The following SLA variants were observed in gnomAD, a reference collection of about 807,000 sequenced individuals.
The protein encoded by SLA is src-like-adapter.
In SLA, 16 loss-of-function variants were observed where a neutral mutation model predicts 30.3. That is an observed-to-expected ratio of 0.53 (90% CI 0.36 to 0.80). The LOEUF (loss-of-function observed/expected upper bound fraction) is 0.80. SLA is among the 30% of genes least tolerant of loss of function. The pLI is 0.01. For missense variants in SLA, 310 were observed against 345.2 expected (o/e 0.90, Z 0.81); for synonymous variants, 143 against 137.8 (o/e 1.04, Z -0.26).
chr8:133,056,800 CTT>C (rs1841515250), intron 3 of SLA, among the ~76,000 whole-genome samples: 1 of 152,166 alleles, frequency 6.6e-6, no homozygotes, highest in African/African-American at 2.4e-5. Flanking sequence ...GAGATAAACT[CTT>C]TCTCATCTCT....
intron 2 of SLA, among the ~76,000 whole-genome samples, chr8:133,068,922 A>C (rs1843523274): frequency 6.6e-6 from 1 of 152,272 alleles, no homozygotes; most frequent in Non-Finnish European, 1.5e-5. Flanking sequence ...CAGGCTATAA[A>C]TGGGGTTTGG....
chr8:133,052,176 C>T (rs1406974147), intron 3 of SLA, among the ~76,000 whole-genome samples: 1 of 152,192 alleles, frequency 6.6e-6, no homozygotes, highest in Admixed American at 6.5e-5. Context: ...AGTCATAAGC[C>T]TCTTGGGCAG....
At chr8:133,100,807 C>CT (rs1462651814) in intron 1 of SLA, among the ~76,000 whole-genome samples, 1 of 152,012 alleles carries the variant, frequency 6.6e-6, no homozygotes, top group Non-Finnish European at 1.5e-5. Context: ...TACCCACATT[C>CT]TTTTTTTTCT....
Position 133,059,904 on chromosome 8 carries a change from C to T in SLA, c.61+196G>A, listed in dbSNP as rs531084083. ...CCAAAGATTTGACACCCTTCAGGTG[C>T]GCCGAGCACCCAATTCTTTTCGTCT... On this transcript the variant is annotated intron_variant, in intron 3 of 8. Transcript: ENST00000338087. 3.4e-3 allele frequency among the ~76,000 whole-genome samples: 524 copies of T among 152,334 alleles called. 7 individuals carry two copies. Among genetic ancestry groups the T allele is most frequent in the Non-Finnish European group, 2.5e-3 (173 of 68,024 alleles).
chr8:133,041,373 G>A (rs1449710169), intron 7 of SLA, among the ~76,000 whole-genome samples: 3 of 152,250 alleles, frequency 2.0e-5, no homozygotes, highest in African/African-American at 7.2e-5. Context: ...GGCAAGCCAG[G>A]AAGACCTCGT....
intron 1 of SLA, among the ~76,000 whole-genome samples, chr8:133,092,323 G>A (rs1183105789): frequency 1.3e-5 from 2 of 152,152 alleles, no homozygotes; most frequent in African/African-American, 4.8e-5. Context: ...AAAAAGCAGT[G>A]GTCAGCAATT....
chr8:133,067,305 C>G (rs1046807316), intron 2 of SLA, among the ~76,000 whole-genome samples: 2 of 152,106 alleles, frequency 1.3e-5, no homozygotes, highest in Non-Finnish European at 2.9e-5. Flanking sequence ...CCACCCCACC[C>G]CCATCTGCTT....
intron 1 of SLA, among the ~76,000 whole-genome samples, chr8:133,100,185 G>A (rs1849028271): frequency 6.6e-6 from 1 of 152,160 alleles, no homozygotes; most frequent in South Asian, 2.1e-4. Context: ...GGTACTTGCT[G>A]TTTTTTCTTC....
chr8:133,074,836 A>T lies in SLA; in HGVS notation c.-41+17T>A. ...AGTCTCTCCCCACCCCATCTCTGCC[A>T]CATACTCCCAAAATACCTTCACACA... On this transcript the variant is annotated intron_variant, in intron 2 of 8. Coordinates refer to ENST00000338087, the MANE Select transcript of SLA (RefSeq NM_001045556.3). 3 of 985,352 alleles carry T rather than the reference A, an allele frequency of 3.0e-6. No individual in the cohort carries two copies. Among genetic ancestry groups the T allele is most frequent in the Non-Finnish European group, 3.6e-6 (3 of 829,830 alleles). 61.0% of individuals were successfully genotyped at this position (985,352 alleles called of 1,614,324 possible).
chr8:133,047,205 A>G (rs1352905357), intron 6 of SLA: 4 of 152,224 alleles, frequency 2.6e-5, no homozygotes, highest in Non-Finnish European at 5.9e-5. Flanking sequence ...AGCTCACTCT[A>G]TTTGTGTTTT....
intron 7 of SLA, 136 bp downstream of exon 7, chr8:133,044,848 T>A: frequency 1.2e-6 from 1 of 821,094 alleles, no homozygotes. Flanking sequence ...ACAGTCTGAA[T>A]TAACGAGAGA....
intron 3 of SLA, among the ~76,000 whole-genome samples, chr8:133,059,648 A>G (rs1842074720): frequency 6.6e-6 from 1 of 152,100 alleles, no homozygotes; most frequent in South Asian, 2.1e-4. Flanking sequence ...TAGCTTAGAA[A>G]AGTAACACAG....
chr8:133,094,439 A>T (rs1564183302), intron 1 of SLA, among the ~76,000 whole-genome samples: 3 of 151,894 alleles, frequency 2.0e-5, no homozygotes, highest in South Asian at 4.2e-4. Context: ...ATGGGGTTTC[A>T]CTGTGTTAGC....
chr8:133,075,952 G>A (rs1349809591), intron 1 of SLA: 3 of 152,148 alleles, frequency 2.0e-5, no homozygotes, highest in Admixed American at 6.5e-5. Context: ...ATTATAAAAT[G>A]TATGTTGTAT....
chr8:133,077,987 G>T (rs1467456892), intron 1 of SLA, among the ~76,000 whole-genome samples: 1 of 152,194 alleles, frequency 6.6e-6, no homozygotes. Flanking sequence ...AATAAGACAC[G>T]TGTGAAGGTT....
intron 3 of SLA, among the ~76,000 whole-genome samples, chr8:133,053,239 G>A (rs1034341663): frequency 4.6e-5 from 7 of 152,126 alleles, no homozygotes; most frequent in African/African-American, 9.7e-5. Flanking sequence ...CCTCTGAAGC[G>A]GTTACCCCAG....
Position 133,074,847 on chromosome 8 carries a change from A to G in SLA, c.-41+6T>C. On this transcript the variant is annotated splice_donor_region_variant and intron_variant, in intron 2 of 8. Coordinates refer to ENST00000338087, the MANE Select transcript of SLA (RefSeq NM_001045556.3). ...ACCCCATCTCTGCCACATACTCCCAAAATACCTTCACACACTGGGCATGAC... is the reference window on the plus strand; with the variant it reads ...ACCCCATCTCTGCCACATACTCCCAGAATACCTTCACACACTGGGCATGAC... 10 of 985,482 alleles carry G rather than the reference A, an allele frequency of 1.0e-5. No individual in the cohort carries two copies. The highest frequency in any genetic ancestry group is 1.1e-5 in the Non-Finnish European group (9 of 830,004). 61.0% of individuals were successfully genotyped at this position (985,482 alleles called of 1,614,324 possible).
At chr8:133,096,349 C>T in intron 1 of SLA, 1 of 1,614,194 alleles carries the variant, frequency 6.2e-7, no homozygotes, top group South Asian at 1.1e-5. Flanking sequence ...ACGACGGGCT[C>T]ATCAACAGAG....
intron 1 of SLA, among the ~76,000 whole-genome samples, chr8:133,075,347 T>C (rs1844699216): frequency 6.6e-6 from 1 of 152,166 alleles, no homozygotes; most frequent in Admixed American, 6.5e-5. Flanking sequence ...GGTTTCCCAA[T>C]TTTTGCAGCT....
Sources: gnomAD v4.1 joint callset for allele counts (sites outside exome capture counted in the v4.1 genomes callset) on GRCh38, gnomAD v4.1.1 for gene constraint, MANE v1.5 for transcripts, NCBI Gene and HGNC (gene_info 2026-07-23, HGNC 2026-07-21) for gene names.